AZIN1: variants seen among roughly 807,000 people sequenced by gnomAD.
The protein encoded by AZIN1 is ornithine decarboxylase antizyme inhibitor.
Under a neutral mutation model 47.4 loss-of-function variants are expected in AZIN1, and 12 were observed. That is an observed-to-expected ratio of 0.25 (90% CI 0.16 to 0.41). AZIN1 has a LOEUF of 0.41. Ranked by LOEUF, AZIN1 falls within the 10% of genes least tolerant of loss-of-function variation. AZIN1 has a pLI of 1.00. For missense variants in AZIN1, 410 were observed against 532.4 expected, an observed-to-expected ratio of 0.77 and a Z score of 2.26; for synonymous variants, 155 against 176.3, an observed-to-expected ratio of 0.88 and a Z score of 0.96.
At chr8:102,835,945 C>G (rs1429904649) in intron 6 of AZIN1, among the ~76,000 whole-genome samples, 1 of 152,174 alleles carries the variant, frequency 6.6e-6, no homozygotes, top group Non-Finnish European at 1.5e-5. Context: ...ATTAAGAATT[C>G]TAGCAAATCC....
At chr8:102,862,371 CTT>C (rs1396496670) in intron 1 of AZIN1, among the ~76,000 whole-genome samples, 1 of 152,070 alleles carries the variant, frequency 6.6e-6, no homozygotes, top group African/African-American at 2.4e-5. Flanking sequence ...AAGTATAACT[CTT>C]TTTCACCTTC....
At chr8:102,845,936 T>C (rs1383908927) in intron 2 of AZIN1, among the ~76,000 whole-genome samples, 1 of 152,200 alleles carries the variant, frequency 6.6e-6, no homozygotes, top group Admixed American at 6.5e-5. Context: ...TGAAATGTTA[T>C]TTGAGGGCTT....
At position 102,826,901 on chromosome 8, in the gene AZIN1, T is replaced by C. The variant is rs1194282890; in HGVS notation, c.*1666A>G. 6.6e-6 allele frequency: 1 copy of C among 152,610 alleles called. No homozygotes were observed. The highest frequency in any genetic ancestry group is 1.5e-5 in the Non-Finnish European group (1 of 68,024). 9.5% of individuals were successfully genotyped at this position (152,610 alleles called of 1,614,324 possible). ...ATACCTTGGAAAAGTCCAAGGGCAA[T>C]TTGATGGCAATGGATTGGGGCCCTA... is the stretch of plus-strand genomic sequence containing the variant. On this transcript the variant is annotated 3_prime_UTR_variant, in exon 12 of 12. Transcript: ENST00000337198.
At chr8:102,849,193 T>A (rs191942350) in intron 2 of AZIN1, among the ~76,000 whole-genome samples, 2 of 152,074 alleles carry the variant, frequency 1.3e-5, no homozygotes, top group Non-Finnish European at 2.9e-5. Flanking sequence ...CTCAGGAGGA[T>A]GAGGCAGGAG....
At chr8:102,840,707 A>G (rs1204083411) in intron 3 of AZIN1, among the ~76,000 whole-genome samples, 1 of 152,372 alleles carries the variant, frequency 6.6e-6, no homozygotes, top group Admixed American at 6.5e-5. Context: ...GTTAGATAGC[A>G]GGCAAAAAAA....
intron 8 of AZIN1, among the ~76,000 whole-genome samples, chr8:102,833,946 G>A (rs906049156): frequency 1.3e-5 from 2 of 150,804 alleles, no homozygotes; most frequent in African/African-American, 4.9e-5. Context: ...AATCATTTGT[G>A]CCATTAAGTA....
Position 102,839,820 on chromosome 8 carries a change from C to A in AZIN1, c.106G>T (p.Gly36Trp). 2 of 1,589,494 alleles carry A rather than the reference C, an allele frequency of 1.3e-6. No homozygotes were observed. The highest frequency in any genetic ancestry group is 1.7e-6 in the Non-Finnish European group (2 of 1,169,346). The change falls in exon 4 of 12, where the codon GGG (glycine) becomes TGG (tryptophan). Residue 36 changes from glycine (G) to tryptophan (W), a missense_variant. Gly to Trp is a radical substitution (Grantham distance 184, BLOSUM62 -2). Around this residue, in one of 3 missense-constraint regions of AZIN1, gnomAD observed 237 missense variants for 309.4 expected, o/e 0.77. Transcript: ENST00000337198. The stretch of plus-strand genomic sequence containing the variant: ...TCTCCCACAAAAAATGCATTTTTCC[C>A]TGTCTATTATGGTTATAAAAAAAAA... ...DNYVYEHTLT[G>W]KNAFFVGDLG... is the part of the protein sequence containing the mutation.
chr8:102,849,099 T>A (rs1187178408), intron 2 of AZIN1, among the ~76,000 whole-genome samples: 7 of 151,948 alleles, frequency 4.6e-5, no homozygotes. Context: ...ATCGAGACCA[T>A]CCTGGCCAAC....
intron 9 of AZIN1, chr8:102,830,172 G>A (rs1465465461): frequency 3.1e-6 from 1 of 322,400 alleles, no homozygotes; most frequent in African/African-American, 2.2e-5. Flanking sequence ...GATCACTTGA[G>A]GTCAGGAGTT....
intron 8 of AZIN1, among the ~76,000 whole-genome samples, chr8:102,833,826 G>A (rs1363382254): frequency 6.9e-6 from 1 of 144,132 alleles, no homozygotes; most frequent in Non-Finnish European, 1.5e-5. Context: ...GAGCCCAGGA[G>A]TTGGAAGCTA....
intron 9 of AZIN1, among the ~76,000 whole-genome samples, chr8:102,832,191 C>T (rs1285007555): frequency 6.6e-6 from 1 of 151,746 alleles, no homozygotes; most frequent in African/African-American, 2.4e-5. Flanking sequence ...TATCTAGATT[C>T]AAGGAGAAAT....
intron 6 of AZIN1, chr8:102,835,573 G>C (rs771411299): frequency 6.6e-6 from 1 of 152,274 alleles, no homozygotes; most frequent in Non-Finnish European, 1.5e-5. Context: ...GCTTGAGCCA[G>C]GAGTTTGAGG....
intron 9 of AZIN1, among the ~76,000 whole-genome samples, chr8:102,832,754 C>A (rs1811543310): frequency 6.6e-6 from 1 of 151,828 alleles, no homozygotes; most frequent in Non-Finnish European, 1.5e-5. Flanking sequence ...GATTTTTGTG[C>A]CTCAGCCTCC....
At chr8:102,848,492 G>C (rs1249811192) in intron 2 of AZIN1, among the ~76,000 whole-genome samples, 1 of 152,078 alleles carries the variant, frequency 6.6e-6, no homozygotes, top group African/African-American at 2.4e-5. Flanking sequence ...TCCTGTCTCT[G>C]CCTCTCTTAA....
chr8:102,843,478 T>G, intron 3 of AZIN1, 73 bp downstream of exon 3: 1 of 1,314,138 alleles, frequency 7.6e-7, no homozygotes, highest in African/African-American at 1.5e-5. Context: ...CAGATTACCA[T>G]CTTGGAAATT....
At chr8:102,858,235 G>C (rs192735827) in intron 1 of AZIN1, 85 bp from the exon 2 acceptor site, 2 of 396,742 alleles carry the variant, frequency 5.0e-6, no homozygotes, top group Non-Finnish European at 4.4e-6. Context: ...TGTAGAATAC[G>C]TGTTCATTTT....
intron 9 of AZIN1, among the ~76,000 whole-genome samples, chr8:102,831,912 G>A (rs1006927903): frequency 3.9e-5 from 6 of 152,262 alleles, no homozygotes; most frequent in South Asian, 4.1e-4. Context: ...CCCTGATGGA[G>A]CCACTGTACT....
Position 102,858,589 on chromosome 8 carries a change from C to T in AZIN1, c.-233-439G>A, listed in dbSNP as rs189287290. ...CATGACCCAATAGTTTGGAACCACCCAGAACACTCTTTTACTCCTCAAATA... is the reference window on the plus strand; with the variant it reads ...CATGACCCAATAGTTTGGAACCACCTAGAACACTCTTTTACTCCTCAAATA... On this transcript the variant is annotated intron_variant, in intron 1 of 11. Transcript: ENST00000337198. Among the ~76,000 whole-genome samples the T allele has an allele frequency of 3.5e-3, 534 of 152,190 alleles. 1 individual carries two copies. Among genetic ancestry groups the T allele is most frequent in the Non-Finnish European group, 5.6e-3 (382 of 68,012 alleles).
intron 1 of AZIN1, among the ~76,000 whole-genome samples, chr8:102,859,976 A>C (rs546743111): frequency 5.9e-5 from 9 of 152,332 alleles, no homozygotes; most frequent in African/African-American, 2.2e-4. Context: ...AAGACCCAAA[A>C]GGTGCATAGG....
Sources: gnomAD v4.1 joint callset for allele counts (sites outside exome capture counted in the v4.1 genomes callset) on GRCh38, gnomAD v4.1.1 for gene constraint, gnomAD v4.1.1 regional missense constraint, MANE v1.5 for transcripts, NCBI Gene and HGNC (gene_info 2026-07-23, HGNC 2026-07-21) for gene names.